The following SGCZ variants were observed in gnomAD, a reference collection of about 807,000 sequenced individuals.
The protein encoded by SGCZ is sarcoglycan zeta.
In SGCZ, 40 loss-of-function variants were observed where a neutral mutation model predicts 41.3. The observed-to-expected ratio is 0.97, with a 90% CI of 0.75 to 1.26. SGCZ has a LOEUF of 1.26. Ranked by LOEUF, SGCZ falls within the 50% of genes most tolerant of loss-of-function variation. The pLI, the probability that SGCZ is intolerant of heterozygous loss-of-function variation, is 0.00. For synonymous variants in SGCZ, 206 were observed against 137.5 expected, an observed-to-expected ratio of 1.50 and a Z score of -3.49; for missense variants, 552 against 369.8, an observed-to-expected ratio of 1.49 and a Z score of -4.04.
intron 1 of SGCZ, among the ~76,000 whole-genome samples, chr8:14,774,894 A>T (rs1800353620): frequency 6.6e-6 from 1 of 152,136 alleles, no homozygotes; most frequent in Non-Finnish European, 1.5e-5. Flanking sequence ...ATTACCTTAC[A>T]TGTAGGTACT....
At chr8:14,986,174 A>C (rs1801819897) in intron 1 of SGCZ, among the ~76,000 whole-genome samples, 1 of 152,118 alleles carries the variant, frequency 6.6e-6, no homozygotes, top group South Asian at 2.1e-4. Flanking sequence ...GGTATGGAAC[A>C]TTTTTAAGTT....
chr8:14,598,274 T>C (rs1455074442), intron 1 of SGCZ, among the ~76,000 whole-genome samples: 10 of 150,284 alleles, frequency 6.7e-5, no homozygotes, highest in Admixed American at 6.6e-4. Context: ...TCTCAATCAA[T>C]CTAATTATAT....
intron 1 of SGCZ, among the ~76,000 whole-genome samples, chr8:15,122,138 C>T (rs1335628555): frequency 1.3e-5 from 2 of 150,898 alleles, no homozygotes; most frequent in African/African-American, 4.9e-5. Context: ...ACCCCTCCAA[C>T]TCTATCATAT....
intron 1 of SGCZ, among the ~76,000 whole-genome samples, chr8:15,124,681 A>T (rs1807612046): frequency 6.6e-6 from 1 of 152,206 alleles, no homozygotes; most frequent in African/African-American, 2.4e-5. Flanking sequence ...ATGGTTGTGC[A>T]GTTGTTCCCA....
At chr8:14,670,754 G>C (rs1215862148) in intron 1 of SGCZ, among the ~76,000 whole-genome samples, 1 of 152,158 alleles carries the variant, frequency 6.6e-6, no homozygotes, top group Non-Finnish European at 1.5e-5. Context: ...CATGAGGTAG[G>C]TGTGATCCTT....
chr8:14,123,575 C>T lies in SGCZ; in HGVS notation c.548-15340G>A, dbSNP rs553148828. Among the ~76,000 whole-genome samples the T allele has an allele frequency of 2.0e-4, 30 of 152,238 alleles. 1 individual carries two copies. The South Asian group carries it at 3.5e-3, about 18-fold the overall frequency. On this transcript the variant is annotated intron_variant, in intron 5 of 7. Transcript: ENST00000382080. ...GAGCCATGACCAAGACCTATATACT[C>T]CATCTTCTGAATGAGTTATTTCTCT...
intron 2 of SGCZ, among the ~76,000 whole-genome samples, chr8:14,476,230 G>C (rs1003528574): frequency 4.6e-5 from 7 of 152,062 alleles, no homozygotes; most frequent in Non-Finnish European, 2.9e-5. Context: ...AGGAGTAAAA[G>C]AGGTCCCCTC....
At chr8:14,317,945 A>G (rs527729546) in intron 3 of SGCZ, among the ~76,000 whole-genome samples, 1 of 152,132 alleles carries the variant, frequency 6.6e-6, no homozygotes, top group South Asian at 2.1e-4. Flanking sequence ...AAAAATAGCA[A>G]AAACAAAGGA....
intron 1 of SGCZ, among the ~76,000 whole-genome samples, chr8:14,605,803 A>G (rs1348641749): frequency 6.6e-6 from 1 of 152,212 alleles, no homozygotes; most frequent in East Asian, 1.9e-4. Context: ...GTGAACAGAA[A>G]ACATACTGGA....
At chr8:14,239,899 CTCAAAAAAAAAAAAAAAAAAA>C (rs1798802962) in intron 3 of SGCZ, among the ~76,000 whole-genome samples, 2 of 83,452 alleles carry the variant, frequency 2.4e-5, no homozygotes. Context: ...GAGACTCCGT[CTCAAAAAAAAAAAAAAAAAAA>C]AAAAAAAAAA....
chr8:14,767,483 G>A (rs1800076194), intron 1 of SGCZ, among the ~76,000 whole-genome samples: 1 of 152,078 alleles, frequency 6.6e-6, no homozygotes. Context: ...AGCATTTTGG[G>A]GGAAGAAAGT....
intron 1 of SGCZ, among the ~76,000 whole-genome samples, chr8:14,584,887 T>C (rs937551834): frequency 2.6e-5 from 4 of 152,098 alleles, no homozygotes; most frequent in Admixed American, 1.3e-4. Context: ...AAACAGAATA[T>C]GTAAGGTTAG....
At chr8:14,105,582 G>T (rs1802179603) in intron 6 of SGCZ, among the ~76,000 whole-genome samples, 1 of 151,810 alleles carries the variant, frequency 6.6e-6, no homozygotes, top group African/African-American at 2.4e-5. Context: ...ATAAATAATT[G>T]AATACCTACA....
chr8:14,470,048 G>T (rs560097406), intron 2 of SGCZ, among the ~76,000 whole-genome samples: 9 of 152,194 alleles, frequency 5.9e-5, no homozygotes, highest in Non-Finnish European at 1.2e-4. Flanking sequence ...TAGATGTCTG[G>T]ACTGATGTCT....
intron 1 of SGCZ, among the ~76,000 whole-genome samples, chr8:15,050,863 G>A (rs939955611): frequency 6.6e-6 from 1 of 152,132 alleles, no homozygotes; most frequent in Non-Finnish European, 1.5e-5. Flanking sequence ...AGAGATATTA[G>A]CATATGCCTG....
intron 5 of SGCZ, among the ~76,000 whole-genome samples, chr8:14,154,895 C>T (rs926286953): frequency 6.6e-6 from 1 of 152,116 alleles, no homozygotes; most frequent in African/African-American, 2.4e-5. Flanking sequence ...TGGGGGTGAG[C>T]CAGTCTTCAA....
chr8:14,641,784 TAG>T (rs1269837903), intron 1 of SGCZ, among the ~76,000 whole-genome samples: 2 of 151,632 alleles, frequency 1.3e-5, no homozygotes, highest in Non-Finnish European at 3.0e-5. Context: ...AGTAAAACTG[TAG>T]AGTTTCTTTC....
At chr8:14,474,055 G>C (rs1444439234) in intron 2 of SGCZ, among the ~76,000 whole-genome samples, 1 of 152,120 alleles carries the variant, frequency 6.6e-6, no homozygotes, top group Non-Finnish European at 1.5e-5. Context: ...ATTGGGGAAA[G>C]TTATAGGGGA....
At chr8:14,795,886 T>C (rs562979797) in intron 1 of SGCZ, among the ~76,000 whole-genome samples, 1 of 152,308 alleles carries the variant, frequency 6.6e-6, no homozygotes, top group Admixed American at 6.5e-5. Flanking sequence ...CCATATGTTC[T>C]CATTATTTAG....
Sources: allele counts gnomAD v4.1 joint callset (sites outside exome capture counted in the v4.1 genomes callset), GRCh38; gene constraint gnomAD v4.1.1; transcripts MANE v1.5; gene names NCBI Gene and HGNC (gene_info 2026-07-23, HGNC 2026-07-21).